Variants in PDSS1 observed in about 807,000 individuals in gnomAD.
PDSS1 encodes the protein all trans-polyprenyl-diphosphate synthase PDSS1.
A neutral mutation model predicts 57.5 loss-of-function variants in PDSS1; 43 were observed. That is an observed-to-expected ratio of 0.75 (90% CI 0.59 to 0.96). The LOEUF (loss-of-function observed/expected upper bound fraction) is 0.96, where lower values mean the gene tolerates loss of function less well. Ranked by LOEUF, PDSS1 falls within the 50% of genes least tolerant of loss-of-function variation. The pLI, the probability that PDSS1 is intolerant of heterozygous loss-of-function variation, is 0.00. For synonymous variants in PDSS1, 175 were observed against 191.3 expected, an observed-to-expected ratio of 0.91 and a Z score of 0.70; for missense variants, 438 against 527.8, an observed-to-expected ratio of 0.83 and a Z score of 1.67.
chr10:26,727,164 C>T (rs926457340), intron 8 of PDSS1, among the ~76,000 whole-genome samples: 3 of 151,646 alleles, frequency 2.0e-5, no homozygotes, highest in Non-Finnish European at 4.4e-5. Context: ...ATGCAAAATA[C>T]ATTTTGTAGT....
At chr10:26,700,477 T>C (rs7904343) in intron 1 of PDSS1, among the ~76,000 whole-genome samples, 45,617 of 151,902 alleles carry the variant, frequency 0.3, 7,310 homozygotes, top group East Asian at 0.47. Context: ...CTATCTCGAA[T>C]TGTAATCCCC....
At chr10:26,698,530 C>T (rs532041834) in intron 1 of PDSS1, among the ~76,000 whole-genome samples, 1 of 152,278 alleles carries the variant, frequency 6.6e-6, no homozygotes, top group Admixed American at 6.5e-5. Context: ...CTTTGGGTTC[C>T]GATCTCCTTT....
intron 8 of PDSS1, among the ~76,000 whole-genome samples, chr10:26,726,877 C>T (rs918978590): frequency 2.0e-5 from 3 of 152,100 alleles, no homozygotes; most frequent in African/African-American, 7.2e-5. Context: ...GCCTGGCCAA[C>T]ATGGCAAAAC....
At chr10:26,733,397 C>G (rs1588700706) in intron 8 of PDSS1, among the ~76,000 whole-genome samples, 1 of 152,132 alleles carries the variant, frequency 6.6e-6, no homozygotes, top group African/African-American at 2.4e-5. Context: ...TCCCTGACAG[C>G]CCAGGGGTCG....
intron 10 of PDSS1, among the ~76,000 whole-genome samples, chr10:26,740,097 G>A (rs1227276925): frequency 2.0e-5 from 3 of 149,852 alleles, no homozygotes; most frequent in Admixed American, 6.6e-5. Flanking sequence ...AGCCAAGATC[G>A]TGCCACTGCA....
intron 2 of PDSS1, 108 bp downstream of exon 2, chr10:26,702,302 G>T: frequency 2.7e-6 from 1 of 365,954 alleles, no homozygotes; most frequent in Non-Finnish European, 5.5e-6. Context: ...ATGAGATTTG[G>T]GAGGAGCAAG....
intron 8 of PDSS1, among the ~76,000 whole-genome samples, chr10:26,728,939 C>T (rs998510804): frequency 2.6e-5 from 4 of 151,860 alleles, no homozygotes; most frequent in Non-Finnish European, 4.4e-5. Flanking sequence ...CCACCATACC[C>T]GGATGACTTT....
intron 8 of PDSS1, among the ~76,000 whole-genome samples, chr10:26,727,388 G>A (rs1345313146): frequency 6.6e-6 from 1 of 150,506 alleles, no homozygotes; most frequent in Admixed American, 6.6e-5. Context: ...GCTGCTTGTG[G>A]CCTGGAATTA....
At position 26,709,766 on chromosome 10, in the gene PDSS1, C is replaced by G. The variant is rs1835361204; in HGVS notation, c.465C>G (p.Ser155=). 1 of 1,613,830 alleles carries G rather than the reference C, an allele frequency of 6.2e-7. No homozygotes were observed. Among genetic ancestry groups the G allele is most frequent in the Non-Finnish European group, 8.5e-7 (1 of 1,179,812 alleles). ...CATGCAATATTCATCATAACAACTCCCGGTGAGCTCTTTTTTTCATTCCTT... is the reference window on the plus strand; with the variant it reads ...CATGCAATATTCATCATAACAACTCGCGGTGAGCTCTTTTTTTCATTCCTT... ...ARACNIHHNN[S]RHVQASQRAI... The change falls in exon 5 of 12, where the codon TCC becomes TCG. Residue 155 remains serine, a splice_region_variant and synonymous_variant. Transcript: ENST00000376215.
At position 26,735,584 on chromosome 10, in the gene PDSS1, G is replaced by C. The variant is rs1564434414; in HGVS notation, c.1026+5G>C. On this transcript the variant is annotated splice_donor_5th_base_variant and intron_variant, in intron 10 of 11. Transcript: ENST00000376215. ...GTCCTGTTTGCCTGTCAGCAGGTAG[G>C]TTTTACAAACTCCCTTTGACACATC... 1.3e-6 allele frequency: 2 copies of C among 1,565,944 alleles called. No individual in the cohort carries two copies. The highest frequency in any genetic ancestry group is 4.5e-5 in the East Asian group (2 of 44,616).
intron 8 of PDSS1, among the ~76,000 whole-genome samples, chr10:26,729,904 CTTTTTTTTTT>C (rs71403886): frequency 6.6e-5 from 5 of 75,350 alleles, no homozygotes; most frequent in South Asian, 5.6e-4. Flanking sequence ...TAGTTGGTTC[CTTTTTTTTTT>C]TTTTTTTTTT....
intron 5 of PDSS1, among the ~76,000 whole-genome samples, chr10:26,714,237 G>A (rs1455270641): frequency 1.3e-5 from 2 of 152,166 alleles, no homozygotes; most frequent in Non-Finnish European, 2.9e-5. Flanking sequence ...ACTTTGGGAG[G>A]CCAAGGTGGG....
intron 8 of PDSS1, among the ~76,000 whole-genome samples, chr10:26,730,443 TAC>T (rs1260784642): frequency 1.3e-5 from 2 of 151,076 alleles, no homozygotes; most frequent in Non-Finnish European, 1.5e-5. Flanking sequence ...AACCTCTGTC[TAC>T]AAGGAATACA....
chr10:26,719,940 A>T (rs1356540145), intron 5 of PDSS1, among the ~76,000 whole-genome samples: 4 of 152,208 alleles, frequency 2.6e-5, no homozygotes, highest in Admixed American at 1.3e-4. Context: ...CTTCAGCCCA[A>T]TAAGATCAGC....
chr10:26,711,002 A>T lies in PDSS1; in HGVS notation c.467+1234A>T, dbSNP rs571263753. On this transcript the variant is annotated intron_variant, in intron 5 of 11. Coordinates refer to ENST00000376215, the MANE Select transcript of PDSS1 (RefSeq NM_014317.5). ...TGAAGAGGCTAAGAAATGAAGGCCA[A>T]CAGGTACCAACCATACCTGATACAG... Among the ~76,000 whole-genome samples the T allele has an allele frequency of 5.1e-5, 5 of 98,940 alleles. 2 individuals carry two copies. Among genetic ancestry groups the T allele is most frequent in the African/African-American group, 1.6e-4 (5 of 30,462 alleles). 64.9% of individuals were successfully genotyped at this position (98,940 alleles called of 152,430 possible).
At chr10:26,744,902 A>C (rs1183166219) in intron 11 of PDSS1, among the ~76,000 whole-genome samples, 1 of 152,144 alleles carries the variant, frequency 6.6e-6, no homozygotes, top group Non-Finnish European at 1.5e-5. Flanking sequence ...AGTGGCTCAC[A>C]CCTGTAATCG....
At chr10:26,729,550 C>T (rs55869900) in intron 8 of PDSS1, among the ~76,000 whole-genome samples, 6,494 of 152,156 alleles carry the variant, frequency 0.043, 461 homozygotes, top group African/African-American at 0.15. Context: ...TCCTCTTCTC[C>T]GCGGTGTATT....
At chr10:26,699,816 C>G (rs11015232) in intron 1 of PDSS1, among the ~76,000 whole-genome samples, 51,796 of 152,106 alleles carry the variant, frequency 0.34, 8,994 homozygotes, top group East Asian at 0.47. Flanking sequence ...AGGAGGAATT[C>G]TGTGGACTCA....
intron 4 of PDSS1, 32 bp downstream of exon 4, chr10:26,705,426 T>C: frequency 1.0e-6 from 1 of 1,000,538 alleles, no homozygotes; most frequent in Non-Finnish European, 1.6e-6. Flanking sequence ...GATGTAATGT[T>C]TTAGCTTACC....
Sources: allele counts gnomAD v4.1 joint callset (sites outside exome capture counted in the v4.1 genomes callset), GRCh38; gene constraint gnomAD v4.1.1; transcripts MANE v1.5; gene names NCBI Gene and HGNC (gene_info 2026-07-23, HGNC 2026-07-21).